The following SNAPC3 variants were observed in gnomAD, a reference collection of about 807,000 sequenced individuals.
SNAPC3 encodes snRNA-activating protein complex subunit 3.
SNAPC3 carries 56 observed loss-of-function variants against 47.7 expected under a neutral mutation model. The ratio of observed to expected loss-of-function variants is 1.18; its 90% CI spans 0.95 to 1.47. SNAPC3 has a LOEUF of 1.47. SNAPC3 is among the 40% of genes most tolerant of loss of function. The pLI, the probability that SNAPC3 is intolerant of heterozygous loss-of-function variation, is 0.00. For missense variants in SNAPC3, 665 were observed against 511.3 expected, an observed-to-expected ratio of 1.30 and a Z score of -2.90; for synonymous variants, 235 against 189.9, an observed-to-expected ratio of 1.24 and a Z score of -1.95.
At position 15,451,408 on chromosome 9, in the gene SNAPC3, G is replaced by C. The variant is rs770801000; in HGVS notation, c.815+6G>C. 4 of 1,417,954 alleles carry C rather than the reference G, an allele frequency of 2.8e-6. No homozygotes were observed. In the South Asian group the frequency reaches 4.1e-5, roughly 14 times the overall value. 87.8% of individuals were successfully genotyped at this position (1,417,954 alleles called of 1,614,324 possible). A position where few individuals can be genotyped will look rare whatever the true frequency, so the allele number is the denominator to read the frequency against. On this transcript the variant is annotated splice_donor_region_variant and intron_variant, in intron 6 of 8. Coordinates refer to ENST00000380821, the MANE Select transcript of SNAPC3 (RefSeq NM_001039697.2). ...GAATGCAGAGATTTGAGCAGGTATA[G>C]TTTCCAAAAATCTTCTCAAAGTCTT...
At chr9:15,464,448 G>C (rs185282469), downstream of SNAPC3, 36 of 199,634 alleles carry the variant, frequency 1.8e-4, no homozygotes, top group Admixed American at 6.0e-5. Flanking sequence ...CTTAAATTTT[G>C]TAACATTGAT....
At chr9:15,438,744 T>C (rs117067960) in intron 3 of SNAPC3, among the ~76,000 whole-genome samples, 1 of 152,314 alleles carries the variant, frequency 6.6e-6, no homozygotes, top group Non-Finnish European at 1.5e-5. Context: ...TTTATTACTT[T>C]AATTTTTTTT....
At chr9:15,443,368 A>G (rs147605518) in intron 3 of SNAPC3, among the ~76,000 whole-genome samples, 11 of 152,264 alleles carry the variant, frequency 7.2e-5, no homozygotes, top group African/African-American at 2.2e-4. Context: ...AGAGTTGTCC[A>G]TACTTTCCTC....
At chr9:15,448,353 T>A (rs1587344649) in intron 5 of SNAPC3, among the ~76,000 whole-genome samples, 1 of 152,304 alleles carries the variant, frequency 6.6e-6, no homozygotes, top group Non-Finnish European at 1.5e-5. Flanking sequence ...ATAGTGAATT[T>A]GTGTATTTTC....
chr9:15,464,838 C>T (rs2035503297), downstream of SNAPC3: 2 of 208,598 alleles, frequency 9.6e-6, no homozygotes, highest in African/African-American at 4.6e-5. Flanking sequence ...ACTGAATGCC[C>T]AGCCACAAAA....
Position 15,445,301 on chromosome 9 carries a change from G to T in SNAPC3, c.582+595G>T, listed in dbSNP as rs145820833. ...CTGAAAGTATATGTAAATCCATAAT[G>T]ATTCTAATTCTACTAATTCTTGAGG... is the stretch of plus-strand genomic sequence containing the variant. On this transcript the variant is annotated intron_variant, in intron 4 of 8. Coordinates refer to ENST00000380821, the MANE Select transcript of SNAPC3 (RefSeq NM_001039697.2). 7.9e-5 allele frequency among the ~76,000 whole-genome samples: 12 copies of T among 152,316 alleles called. No individual in the cohort carries two copies. In the East Asian group the frequency reaches 2.3e-3, roughly 29 times the overall value.
intron 2 of SNAPC3, among the ~76,000 whole-genome samples, chr9:15,431,357 C>T (rs1049241815): frequency 6.6e-6 from 1 of 152,142 alleles, no homozygotes; most frequent in African/African-American, 2.4e-5. Context: ...GGGTAGGGTG[C>T]TCCTTCTGTT....
intron 5 of SNAPC3, among the ~76,000 whole-genome samples, chr9:15,449,625 C>T (rs1413158608): frequency 8.0e-6 from 1 of 124,410 alleles, no homozygotes; most frequent in Non-Finnish European, 1.6e-5. Flanking sequence ...GGCTGGAGTG[C>T]AATGGCACCG....
rs1473882344 is a variant in SNAPC3, at chr9:15,453,320, T to C, written c.980+115T>C. 14 of 774,648 alleles carry C rather than the reference T, an allele frequency of 1.8e-5. No homozygotes were observed. In the East Asian group the frequency reaches 3.5e-4, roughly 19 times the overall value. The allele number at this position is 774,648 out of a possible 1,614,324, so 48.0% of individuals were successfully genotyped here. ...GAGTAAAAGTAATAACCATTGCAAC[T>C]TGGCTTGGGAGCAGCAAAAATACTG... On this transcript the variant is annotated intron_variant, in intron 7 of 8. Coordinates refer to ENST00000380821, the MANE Select transcript of SNAPC3 (RefSeq NM_001039697.2).
At chr9:15,439,649 C>T (rs995696534) in intron 3 of SNAPC3, among the ~76,000 whole-genome samples, 1 of 152,112 alleles carries the variant, frequency 6.6e-6, no homozygotes, top group African/African-American at 2.4e-5. Flanking sequence ...AATCTTGTGC[C>T]TCAGCCTCCC....
chr9:15,452,838 C>T (rs2131936527), intron 6 of SNAPC3, among the ~76,000 whole-genome samples: 1 of 152,250 alleles, frequency 6.6e-6, no homozygotes, highest in South Asian at 2.1e-4. Flanking sequence ...CATCATGTAA[C>T]CTGCAGAAAA....
At chr9:15,436,525 C>A (rs920414980) in intron 3 of SNAPC3, among the ~76,000 whole-genome samples, 2 of 152,188 alleles carry the variant, frequency 1.3e-5, no homozygotes, top group Non-Finnish European at 2.9e-5. Flanking sequence ...CCTAGAACTA[C>A]ACTGTTTTGA....
In SNAPC3 at chr9:15,460,112, T is replaced by C; in HGVS notation, c.*246T>C. 3.3e-6 allele frequency: 1 copy of C among 300,174 alleles called. No individual in the cohort carries two copies. Among genetic ancestry groups the C allele is most frequent in the Non-Finnish European group, 6.1e-6 (1 of 165,250 alleles). The allele number at this position is 300,174 out of a possible 1,614,324, so 18.6% of individuals were successfully genotyped here. On this transcript the variant is annotated 3_prime_UTR_variant, in exon 9 of 9. Transcript: ENST00000380821. Reference sequence around the variant, plus strand: ...TGCTTTTTACCCATTTTGAGTTGAGTTGTAGTACTTTATATATTCTGACTT... The same window carrying C: ...TGCTTTTTACCCATTTTGAGTTGAGCTGTAGTACTTTATATATTCTGACTT...
At chr9:15,439,249 A>T (rs2033106015) in intron 3 of SNAPC3, among the ~76,000 whole-genome samples, 1 of 152,144 alleles carries the variant, frequency 6.6e-6, no homozygotes, top group Non-Finnish European at 1.5e-5. Flanking sequence ...GGACTCAAGC[A>T]ATCTGCCCAC....
chr9:15,429,411 G>T (rs2031859082), intron 2 of SNAPC3, among the ~76,000 whole-genome samples: 1 of 152,140 alleles, frequency 6.6e-6, no homozygotes, highest in African/African-American at 2.4e-5. Flanking sequence ...AATACAGAGA[G>T]GATGAGGGTG....
At chr9:15,462,086 A>G (rs2035262005), downstream of SNAPC3, 2 of 152,078 alleles carry the variant, frequency 1.3e-5, no homozygotes, top group African/African-American at 4.8e-5. Flanking sequence ...TATCTTATTC[A>G]TTCATTTCAT....
At chr9:15,444,544 C>T (rs1353979784) in intron 3 of SNAPC3, 58 bp from the exon 4 acceptor site, 3 of 1,091,004 alleles carry the variant, frequency 2.7e-6, no homozygotes, top group Non-Finnish European at 4.2e-6. Context: ...CATTGTACCA[C>T]ACTGCATCTT....
At position 15,444,728 on chromosome 9, in the gene SNAPC3, A is replaced by G. The variant is rs546654449; in HGVS notation, c.582+22A>G. ...TAAGGTAAGTAGTAAAACCTTTTGG[A>G]TTTTATGGATAATAGTAACTTTTGT... On this transcript the variant is annotated intron_variant, in intron 4 of 8. Transcript: ENST00000380821. 313 of 1,229,150 alleles carry G rather than the reference A, an allele frequency of 2.5e-4. 4 individuals carry two copies. In the South Asian group the frequency reaches 3.5e-3, roughly 14 times the overall value. 76.1% of individuals were successfully genotyped at this position (1,229,150 alleles called of 1,614,324 possible). A position where few individuals can be genotyped will look rare whatever the true frequency, so the allele number is the denominator to read the frequency against.
At chr9:15,462,128 T>C (rs975120854), downstream of SNAPC3, 1 of 152,240 alleles carries the variant, frequency 6.6e-6, no homozygotes, top group Admixed American at 6.5e-5. Context: ...AAAAAGTTAA[T>C]TATTGTCATA....
Sources: allele counts gnomAD v4.1 joint callset (sites outside exome capture counted in the v4.1 genomes callset), GRCh38; gene constraint gnomAD v4.1.1; transcripts MANE v1.5; gene names NCBI Gene and HGNC (gene_info 2026-07-23, HGNC 2026-07-21).